The following CISD2 variants were observed in gnomAD, a reference collection of about 807,000 sequenced individuals.
CISD2 encodes CDGSH iron sulfur domain 2.
In CISD2, 1 loss-of-function variant was observed where a neutral mutation model predicts 12.9. The observed-to-expected ratio is 0.08, with a 90% confidence interval of 0.03 to 0.37. The LOEUF (loss-of-function observed/expected upper bound fraction) is 0.37, where lower values mean the gene tolerates loss of function less well. CISD2 is among the 10% of genes least tolerant of loss of function. The probability of loss-of-function intolerance (pLI) is 0.99; values close to 1 mark genes in which losing one functional copy is unlikely to be tolerated. For synonymous variants in CISD2, 50 were observed against 60.6 expected (o/e 0.83, Z 0.81); for missense variants, 97 against 163.1 (o/e 0.59, Z 2.21).
intron 1 of CISD2, among the ~76,000 whole-genome samples, chr4:102,882,283 A>G (rs1403596859): frequency 6.6e-6 from 1 of 152,240 alleles, no homozygotes; most frequent in Non-Finnish European, 1.5e-5. Flanking sequence ...ATATTGTAAT[A>G]TGTACAATAA....
Position 102,885,307 on chromosome 4 carries a change from A to G in CISD2, c.195A>G (p.Gln65=), listed in dbSNP as rs375816656. The G allele has an allele frequency of 3.1e-6, 5 of 1,614,012 alleles. No homozygotes were observed. The highest frequency in any genetic ancestry group is 1.6e-4 in the Middle Eastern group (1 of 6,082). The part of the protein sequence containing the change: ...AVRPFLPKKK[Q]QKDSLINLKI... ...GTCCATTCCTCCCGAAGAAGAAACAACAGAAGGATAGCTTGATTAATCTTA... is the reference window on the plus strand; with the variant it reads ...GTCCATTCCTCCCGAAGAAGAAACAGCAGAAGGATAGCTTGATTAATCTTA... Residue 65 remains glutamine, a synonymous_variant, in exon 2 of 3, where the codon CAA becomes CAG. Coordinates refer to ENST00000273986, the MANE Select transcript of CISD2 (RefSeq NM_001008388.5).
Position 102,892,325 on chromosome 4 carries a change from G to A in CISD2, c.*4895G>A. On this transcript the variant is annotated 3_prime_UTR_variant, in exon 3 of 3. Coordinates refer to ENST00000273986, the MANE Select transcript of CISD2 (RefSeq NM_001008388.5). ...CTCCCTGCCTCAGCACTCCCAAAGT[G>A]CTGGGATTGCAGGCATGAGCAACCA... The A allele has an allele frequency of 6.6e-6, 1 of 152,336 alleles. No homozygotes were observed. 9.4% of individuals were successfully genotyped at this position (152,336 alleles called of 1,614,324 possible). A position where few individuals can be genotyped will look rare whatever the true frequency, so the allele number is the denominator to read the frequency against.
At chr4:102,878,283 C>T (rs1733636494) in intron 1 of CISD2, among the ~76,000 whole-genome samples, 1 of 152,040 alleles carries the variant, frequency 6.6e-6, no homozygotes, top group South Asian at 2.1e-4. Context: ...AGGTGTGCAC[C>T]ACCATGCCCA....
rs72933535 is a variant in CISD2 at position 102,869,580 on chromosome 4, C to G, written c.103+393C>G. On this transcript the variant is annotated intron_variant, in intron 1 of 2. Coordinates refer to ENST00000273986, the MANE Select transcript of CISD2 (RefSeq NM_001008388.5). ...TCTAAGGCCTCATGTAACAGGCAGC[C>G]CCAGCTACCGGCTGGGTTGTACCCT... The G allele has an allele frequency of 3.8e-3, 2,684 of 697,550 alleles. 50 individuals are homozygous for G. The African/African-American group carries it at 0.041, about 11-fold the overall frequency. 43.2% of individuals were successfully genotyped at this position (697,550 alleles called of 1,614,324 possible).
chr4:102,870,781 A>G (rs764379394), intron 1 of CISD2, among the ~76,000 whole-genome samples: 4 of 152,224 alleles, frequency 2.6e-5, no homozygotes, highest in Non-Finnish European at 5.9e-5. Context: ...ATATTTTAAT[A>G]TAATCCTCAT....
At chr4:102,878,967 G>A (rs527899066) in intron 1 of CISD2, among the ~76,000 whole-genome samples, 34 of 152,266 alleles carry the variant, frequency 2.2e-4, no homozygotes, top group Non-Finnish European at 3.2e-4. Context: ...TCACAGTTAC[G>A]CATGACTAGG....
intron 2 of CISD2, 137 bp downstream of exon 2, chr4:102,885,567 T>C: frequency 1.4e-6 from 1 of 723,148 alleles, no homozygotes; most frequent in South Asian, 1.6e-5. Flanking sequence ...TATTCCTAAA[T>C]TGAAGTTTTC....
intron 1 of CISD2, among the ~76,000 whole-genome samples, chr4:102,880,403 C>T (rs1733687086): frequency 6.6e-6 from 1 of 152,120 alleles, no homozygotes; most frequent in African/African-American, 2.4e-5. Context: ...TAAGCATTTA[C>T]AGCCTATGTA....
intron 1 of CISD2, among the ~76,000 whole-genome samples, chr4:102,881,111 A>C (rs1013135389): frequency 6.6e-6 from 1 of 152,184 alleles, no homozygotes; most frequent in Non-Finnish European, 1.5e-5. Context: ...AGAGACTAGC[A>C]CATGTAAAAT....
intron 1 of CISD2, among the ~76,000 whole-genome samples, chr4:102,873,472 G>A (rs1376375497): frequency 1.3e-5 from 2 of 151,674 alleles, no homozygotes; most frequent in East Asian, 3.9e-4. Context: ...ACGGGGTTTT[G>A]CCATGTTGCC....
At chr4:102,880,867 C>T (rs1204698556) in intron 1 of CISD2, among the ~76,000 whole-genome samples, 1 of 151,706 alleles carries the variant, frequency 6.6e-6, no homozygotes, top group Non-Finnish European at 1.5e-5. Flanking sequence ...TGGCGTGCGC[C>T]TATAATCCCA....
At chr4:102,887,300 A>G (rs975439257) in intron 2 of CISD2, 41 bp from the exon 3 acceptor site, 4 of 1,144,432 alleles carry the variant, frequency 3.5e-6, no homozygotes, top group Non-Finnish European at 5.3e-6. Context: ...CTAATGAATC[A>G]TATTTTAAAA....
At chr4:102,871,427 A>G (rs1404425465) in intron 1 of CISD2, among the ~76,000 whole-genome samples, 1 of 152,216 alleles carries the variant, frequency 6.6e-6, no homozygotes, top group Non-Finnish European at 1.5e-5. Flanking sequence ...TTTTAATAAC[A>G]TACATTTAAC....
chr4:102,869,650 C>G (rs1324433613), intron 1 of CISD2: 3 of 621,374 alleles, frequency 4.8e-6, no homozygotes, highest in South Asian at 3.7e-5. Flanking sequence ...TAGACTTACA[C>G]GTAACACGTA....
intron 1 of CISD2, among the ~76,000 whole-genome samples, chr4:102,870,928 A>T (rs1440754712): frequency 2.6e-5 from 4 of 152,226 alleles, no homozygotes; most frequent in Non-Finnish European, 4.4e-5. Flanking sequence ...GCAAGTAAGC[A>T]AATACCAGTT....
At chr4:102,871,076 G>A (rs1282657060) in intron 1 of CISD2, among the ~76,000 whole-genome samples, 5 of 152,062 alleles carry the variant, frequency 3.3e-5, no homozygotes, top group African/African-American at 1.2e-4. Context: ...GTTAACTGTT[G>A]AGGAATTTTT....
chr4:102,884,300 G>T (rs1733803559), intron 1 of CISD2, among the ~76,000 whole-genome samples: 1 of 152,142 alleles, frequency 6.6e-6, no homozygotes. Context: ...AGCATAACCT[G>T]TTCATTTATC....
intron 1 of CISD2, chr4:102,869,575 GC>G: frequency 1.4e-6 from 1 of 698,286 alleles, no homozygotes; most frequent in Non-Finnish European, 2.6e-6. Context: ...CATGTAACAG[GC>G]AGCCCCAGCT....
chr4:102,885,457 A>G (rs772249990), intron 2 of CISD2, 27 bp downstream of exon 2: 2 of 1,582,606 alleles, frequency 1.3e-6, no homozygotes, highest in South Asian at 2.2e-5. Context: ...CGTGTACACT[A>G]AAATTTTGCA....
Sources: allele counts gnomAD v4.1 joint callset (sites outside exome capture counted in the v4.1 genomes callset), GRCh38; gene constraint gnomAD v4.1.1; transcripts MANE v1.5; gene names NCBI Gene and HGNC (gene_info 2026-07-23, HGNC 2026-07-21).